The following CACNA1B variants were observed in gnomAD, a reference collection of about 807,000 sequenced individuals.
CACNA1B encodes calcium voltage-gated channel subunit alpha1 B, also known as voltage-dependent N-type calcium channel subunit alpha-1B.
In CACNA1B, 70 loss-of-function variants were observed where a neutral mutation model predicts 247.2. The observed-to-expected ratio is 0.28, with a 90% CI of 0.23 to 0.35. The LOEUF (loss-of-function observed/expected upper bound fraction) is 0.35, where lower values mean the gene tolerates loss of function less well. CACNA1B is among the 10% of genes least tolerant of loss of function. The pLI is 1.00. For missense variants in CACNA1B, 2,367 were observed against 3,197.4 expected (o/e 0.74, Z 6.26); for synonymous variants, 1,231 against 1,294.4 (o/e 0.95, Z 1.05).
chr9:137,992,752 C>T (rs1416677497), intron 15 of CACNA1B, among the ~76,000 whole-genome samples: 5 of 150,462 alleles, frequency 3.3e-5, no homozygotes, highest in African/African-American at 7.4e-5. Flanking sequence ...AGCCGAGATC[C>T]GGCCACTGCA....
Position 137,955,816 on chromosome 9 carries a change from G to A in CACNA1B, c.1186+3G>A, listed in dbSNP as rs752089343. ...CCTGGAGTGGATCTTCAAGGCGGGT[G>A]AGGGCCCGTGGGAGCCACTGCACTC... On this transcript the variant is annotated splice_donor_region_variant and intron_variant, in intron 8 of 46. Coordinates refer to ENST00000371372, the MANE Select transcript of CACNA1B (RefSeq NM_000718.4). This position sits in a 1 kb window ranked among gnomAD's most constrained non-coding sequence, Gnocchi z 6.9. The A allele has an allele frequency of 4.8e-5, 76 of 1,577,736 alleles. No homozygotes were observed. Among genetic ancestry groups the A allele is most frequent in the Non-Finnish European group, 6.5e-5 (75 of 1,154,404 alleles).
At chr9:137,916,272 A>C (rs760351364) in intron 5 of CACNA1B, among the ~76,000 whole-genome samples, 3 of 152,118 alleles carry the variant, frequency 2.0e-5, no homozygotes, top group African/African-American at 7.2e-5. Context: ...AGCTCAGACA[A>C]TCTGCCCACC....
chr9:138,114,246 T>A (rs866686879), intron 40 of CACNA1B, 132 bp from the exon 41 acceptor site: 1 of 625,768 alleles, frequency 1.6e-6, no homozygotes, highest in Admixed American at 2.5e-5. Flanking sequence ...GAGCCCTCTG[T>A]CCCAGTGCAT....
At chr9:137,980,417 T>C (rs1436259289) in intron 12 of CACNA1B, among the ~76,000 whole-genome samples, 1 of 152,242 alleles carries the variant, frequency 6.6e-6, no homozygotes, top group Admixed American at 6.5e-5. Flanking sequence ...TGAGTAGTGC[T>C]CTGAGGCACC....
intron 31 of CACNA1B, among the ~76,000 whole-genome samples, chr9:138,069,107 C>T (rs1218208985): frequency 1.3e-5 from 2 of 152,180 alleles, no homozygotes; most frequent in Admixed American, 6.5e-5. Context: ...CAGGTCATCT[C>T]CTGTTCTGCC....
At chr9:138,043,405 G>A (rs1266999787) in intron 20 of CACNA1B, among the ~76,000 whole-genome samples, 1 of 152,174 alleles carries the variant, frequency 6.6e-6, no homozygotes, top group Non-Finnish European at 1.5e-5. Context: ...TCCTCCCTGT[G>A]CTGCGGGTTC....
At chr9:138,118,134 A>T in intron 43 of CACNA1B, 53 bp downstream of exon 43, 47 of 306,482 alleles carry the variant, frequency 1.5e-4, no homozygotes, top group Non-Finnish European at 1.9e-4. Flanking sequence ...GTGAACAGGG[A>T]TGGGGGATGT....
intron 36 of CACNA1B, among the ~76,000 whole-genome samples, chr9:138,084,005 C>T (rs1178292928): frequency 6.6e-6 from 1 of 150,842 alleles, no homozygotes; most frequent in Admixed American, 6.6e-5. Context: ...CTTCTCAGGC[C>T]CAAAACTCCA....
chr9:138,119,558 G>C (rs1433972764), intron 44 of CACNA1B, among the ~76,000 whole-genome samples: 1 of 152,154 alleles, frequency 6.6e-6, no homozygotes, highest in Non-Finnish European at 1.5e-5. Flanking sequence ...CACTGCTGTG[G>C]CCAGCAAACC....
At chr9:138,031,575 G>C (rs549901882) in intron 20 of CACNA1B, among the ~76,000 whole-genome samples, 16 of 152,298 alleles carry the variant, frequency 1.1e-4, no homozygotes, top group African/African-American at 3.6e-4. Context: ...TTTCTGTCTA[G>C]ATATGTCAAT....
chr9:137,968,632 G>A (rs1958109764), intron 10 of CACNA1B, among the ~76,000 whole-genome samples: 1 of 152,198 alleles, frequency 6.6e-6, no homozygotes, highest in South Asian at 2.1e-4. Flanking sequence ...CCTCTAGAAG[G>A]GTTATTGAGA....
At position 137,971,571 on chromosome 9, in the gene CACNA1B, C is replaced by T. The variant is rs1011450345; in HGVS notation, c.1522C>T (p.Arg508Trp). Residue 508 changes from arginine (R) to tryptophan (W), a missense_variant, in exon 11 of 47, where the codon CGG becomes TGG. Physicochemically the swap from Arg to Trp is moderately radical, Grantham distance 101. This residue lies in a region of CACNA1B where 219 missense variants were observed against 297.6 expected (regional missense o/e 0.74). Coordinates refer to ENST00000371372, the MANE Select transcript of CACNA1B (RefSeq NM_000718.4). The surrounding 1 kb of genome is among the most constrained non-coding windows in gnomAD (Gnocchi z 4.4). ...CVAMVHYNQP[R>W]RLTTTLYFAE... is the part of the protein sequence containing the mutation. ...GGCCATGGTGCATTACAACCAGCCG[C>T]GGCGGCTTACCACGACCCTGTGTAC... 8.1e-6 allele frequency: 13 copies of T among 1,613,178 alleles called. No homozygotes were observed. The highest frequency in any genetic ancestry group is 2.2e-5 in the South Asian group (2 of 90,956).
At position 137,973,640 on chromosome 9, in the gene CACNA1B, C is replaced by G. The variant is rs1958182723; in HGVS notation, c.1543+2048C>G. On this transcript the variant is annotated intron_variant, in intron 11 of 46. Coordinates refer to ENST00000371372, the MANE Select transcript of CACNA1B (RefSeq NM_000718.4). The surrounding 1 kb of genome is among the most constrained non-coding windows in gnomAD (Gnocchi z 4.1). ...GGTTTTAGTGATCTGTCTCTGTTTC[C>G]CCCTCAGCTTGTGAACTCCTGGGGA... Among the ~76,000 whole-genome samples the G allele has an allele frequency of 1.3e-5, 2 of 152,166 alleles. No homozygotes were observed. The highest frequency in any genetic ancestry group is 4.8e-5 in the African/African-American group (2 of 41,436).
chr9:138,085,588 A>G (rs1046264007), intron 36 of CACNA1B, among the ~76,000 whole-genome samples: 2 of 151,280 alleles, frequency 1.3e-5, no homozygotes, highest in Non-Finnish European at 2.9e-5. Context: ...TGTTATGGTC[A>G]AACTGTCAAA....
intron 39 of CACNA1B, 47 bp from the exon 40 acceptor site, chr9:138,112,351 C>T: frequency 7.0e-7 from 1 of 1,426,934 alleles, no homozygotes; most frequent in Non-Finnish European, 9.9e-7. Context: ...CAGGGCTGCT[C>T]CTAACATCTC....
intron 35 of CACNA1B, among the ~76,000 whole-genome samples, chr9:138,077,474 CAT>C (rs756178341): frequency 6.6e-6 from 1 of 151,666 alleles, no homozygotes; most frequent in African/African-American, 2.4e-5. Context: ...TATGGGCAGT[CAT>C]GTGGATTTTG....
chr9:138,096,275 GGCAAGACACTA>G (rs1961052435), intron 36 of CACNA1B, among the ~76,000 whole-genome samples, 198 bp from the exon 37 acceptor site: 2 of 152,118 alleles, frequency 1.3e-5, no homozygotes, highest in African/African-American at 4.8e-5. Context: ...CCTGAAATAG[GGCAAGACACTA>G]GCATGTGGAT....
intron 20 of CACNA1B, among the ~76,000 whole-genome samples, chr9:138,035,248 C>T (rs1959028500): frequency 6.6e-6 from 1 of 152,286 alleles, no homozygotes; most frequent in African/African-American, 2.4e-5. Context: ...CACTTGAGGT[C>T]GGAAGTTTGA....
At chr9:138,049,405 T>G (rs1248134662) in intron 24 of CACNA1B, 90 bp downstream of exon 24, 16 of 811,518 alleles carry the variant, frequency 2.0e-5, no homozygotes, top group Non-Finnish European at 6.4e-6. Flanking sequence ...GGCCCTCTTG[T>G]GGGCTTCCCT....
Sources: allele counts gnomAD v4.1 joint callset (sites outside exome capture counted in the v4.1 genomes callset), GRCh38; gene constraint gnomAD v4.1.1; regional missense constraint gnomAD v4.1.1; non-coding constraint Gnocchi (gnomAD v3.1); transcripts MANE v1.5; gene names NCBI Gene and HGNC (gene_info 2026-07-23, HGNC 2026-07-21).